TMEM117: variants seen among roughly 807,000 people sequenced by gnomAD.
TMEM117 encodes the protein transmembrane protein 117.
TMEM117 carries 27 observed loss-of-function variants against 52.4 expected under a neutral mutation model. The ratio of observed to expected loss-of-function variants is 0.51; its 90% CI spans 0.38 to 0.71. The LOEUF (loss-of-function observed/expected upper bound fraction) is 0.71, where lower values mean the gene tolerates loss of function less well. TMEM117 is among the 30% of genes least tolerant of loss of function. The pLI is 0.00. For synonymous variants in TMEM117, 215 were observed against 206.3 expected, an observed-to-expected ratio of 1.04 and a Z score of -0.36; for missense variants, 556 against 630.5, an observed-to-expected ratio of 0.88 and a Z score of 1.26.
intron 2 of TMEM117, among the ~76,000 whole-genome samples, chr12:43,845,171 T>C (rs913161597): frequency 8.6e-5 from 13 of 151,484 alleles, no homozygotes; most frequent in Admixed American, 5.3e-4. Context: ...TAAAAAAAAA[T>C]AGCATTAGGC....
chr12:44,032,436 A>C (rs1241478536), intron 3 of TMEM117, among the ~76,000 whole-genome samples: 4 of 152,196 alleles, frequency 2.6e-5, no homozygotes. Flanking sequence ...ACAGCAGCTC[A>C]AAAGAAACAA....
At chr12:44,086,307 A>G (rs557483921) in intron 3 of TMEM117, among the ~76,000 whole-genome samples, 1 of 145,158 alleles carries the variant, frequency 6.9e-6, no homozygotes, top group African/African-American at 2.6e-5. Context: ...TGCGCCTCCC[A>G]GGTTCCAGCG....
chr12:43,938,069 G>A (rs1944982122), intron 2 of TMEM117, among the ~76,000 whole-genome samples: 1 of 151,778 alleles, frequency 6.6e-6, no homozygotes, highest in South Asian at 2.1e-4. Context: ...GAGCCCGTAG[G>A]GATTTTTTAT....
At chr12:44,107,754 G>A (rs2138096378) in intron 3 of TMEM117, among the ~76,000 whole-genome samples, 1 of 152,204 alleles carries the variant, frequency 6.6e-6, no homozygotes, top group South Asian at 2.1e-4. Flanking sequence ...ATTTTAAAAT[G>A]TACAGTTTTC....
intron 3 of TMEM117, among the ~76,000 whole-genome samples, chr12:44,111,952 C>T (rs1174526773): frequency 3.5e-5 from 1 of 28,814 alleles, no homozygotes; most frequent in East Asian, 1.3e-3. Context: ...ATCCCTTTAC[C>T]ATTATGTAAT....
chr12:43,915,585 G>T (rs1302148466), intron 2 of TMEM117, among the ~76,000 whole-genome samples: 1 of 152,086 alleles, frequency 6.6e-6, no homozygotes, highest in Non-Finnish European at 1.5e-5. Flanking sequence ...AGGGTTTATT[G>T]CACTTAGTCC....
At chr12:43,852,715 T>C (rs1199276847) in intron 2 of TMEM117, among the ~76,000 whole-genome samples, 2 of 152,278 alleles carry the variant, frequency 1.3e-5, no homozygotes, top group Non-Finnish European at 2.9e-5. Flanking sequence ...TGAATAGCTT[T>C]ATCTGAGGAT....
chr12:43,877,244 C>A (rs1315100619), intron 2 of TMEM117, among the ~76,000 whole-genome samples: 1 of 152,076 alleles, frequency 6.6e-6, no homozygotes, highest in African/African-American at 2.4e-5. Flanking sequence ...CCAGGTTGTC[C>A]TATGAACTTT....
the TMEM117 span, chr12:43,805,477 G>A: frequency 2.2e-6 from 1 of 450,654 alleles, no homozygotes; most frequent in Non-Finnish European, 4.5e-6. Flanking sequence ...TTAAGTGATC[G>A]CGAGTAACCC....
At chr12:44,069,220 CAA>C (rs1947265256) in intron 3 of TMEM117, among the ~76,000 whole-genome samples, 1 of 152,122 alleles carries the variant, frequency 6.6e-6, no homozygotes, top group African/African-American at 2.4e-5. Context: ...AATAAACCCT[CAA>C]GTCTTAAATC....
At chr12:43,810,149 C>A in the TMEM117 span, among the ~76,000 whole-genome samples, 58 of 152,306 alleles carry the variant, frequency 3.8e-4, no homozygotes, top group East Asian at 0.011. Context: ...AAGCACAAAG[C>A]AACCAGCTTT....
chr12:44,055,732 A>G (rs1054212326), intron 3 of TMEM117, among the ~76,000 whole-genome samples: 7 of 152,200 alleles, frequency 4.6e-5, no homozygotes, highest in African/African-American at 1.7e-4. Flanking sequence ...CATATTGAAT[A>G]CTATACAGAT....
intron 6 of TMEM117, among the ~76,000 whole-genome samples, chr12:44,366,697 G>T (rs1174860227): frequency 6.6e-6 from 1 of 152,036 alleles, no homozygotes; most frequent in African/African-American, 2.4e-5. Context: ...TGGTCCAAAG[G>T]GGTCAGAGAT....
At chr12:44,187,516 A>G (rs1949294477) in intron 4 of TMEM117, among the ~76,000 whole-genome samples, 1 of 152,130 alleles carries the variant, frequency 6.6e-6, no homozygotes, top group Non-Finnish European at 1.5e-5. Context: ...GCACTCAGTA[A>G]TGTTTTTGCA....
intron 3 of TMEM117, among the ~76,000 whole-genome samples, chr12:43,976,597 T>G (rs1176209427): frequency 6.6e-6 from 1 of 152,184 alleles, no homozygotes; most frequent in South Asian, 2.1e-4. Context: ...ATTCCCTTAT[T>G]ATCTGCCCTC....
rs537872738 is a variant in TMEM117 at position 44,196,398 on chromosome 12, T to G, written c.511-14892T>G. On this transcript the variant is annotated intron_variant, in intron 4 of 7. Coordinates refer to ENST00000266534, the MANE Select transcript of TMEM117 (RefSeq NM_032256.3). ...ATTAAAAGAGTACAAATAAACCATG[T>G]GAAAAAAATAAACTATCAACAGATG... Among the ~76,000 whole-genome samples the G allele has an allele frequency of 1.7e-3, 254 of 152,110 alleles. 1 individual carries two copies. Among genetic ancestry groups the G allele is most frequent in the African/African-American group, 5.9e-3 (246 of 41,508 alleles).
intron 2 of TMEM117, among the ~76,000 whole-genome samples, chr12:43,912,136 G>A (rs1046661079): frequency 4.0e-5 from 6 of 150,012 alleles, no homozygotes; most frequent in African/African-American, 1.2e-4. Flanking sequence ...AGAAAATGTG[G>A]CACATATACA....
At chr12:43,800,087 A>T in the TMEM117 span, among the ~76,000 whole-genome samples, 16 of 152,100 alleles carry the variant, frequency 1.1e-4, no homozygotes, top group African/African-American at 3.9e-4. Context: ...TATCCACTAG[A>T]TTATATGACT....
chr12:44,151,845 A>G (rs1370609800), intron 4 of TMEM117, among the ~76,000 whole-genome samples: 1 of 134,860 alleles, frequency 7.4e-6, no homozygotes, highest in East Asian at 2.2e-4. Flanking sequence ...ATGTTTATAT[A>G]TAATATATAA....
Sources: gnomAD v4.1 joint callset for allele counts (sites outside exome capture counted in the v4.1 genomes callset) on GRCh38, gnomAD v4.1.1 for gene constraint, MANE v1.5 for transcripts, NCBI Gene and HGNC (gene_info 2026-07-23, HGNC 2026-07-21) for gene names.